CNTNAP5: variants seen among roughly 807,000 people sequenced by gnomAD.
The protein encoded by CNTNAP5 is contactin associated protein family member 5.
A neutral mutation model predicts 150.2 loss-of-function variants in CNTNAP5; 72 were observed. That is an observed-to-expected ratio of 0.48 (90% CI 0.40 to 0.58). CNTNAP5 has a LOEUF of 0.58. CNTNAP5 is among the 20% of genes least tolerant of loss of function. The pLI, the probability that CNTNAP5 is intolerant of heterozygous loss-of-function variation, is 0.00. For synonymous variants in CNTNAP5, 672 were observed against 619.8 expected (o/e 1.08, Z -1.25); for missense variants, 1,636 against 1,626.2 (o/e 1.01, Z -0.10).
At chr2:124,715,892 C>A (rs1209923675) in intron 13 of CNTNAP5, among the ~76,000 whole-genome samples, 1 of 152,040 alleles carries the variant, frequency 6.6e-6, no homozygotes, top group African/African-American at 2.4e-5. Flanking sequence ...TACCAAGTCC[C>A]CTTCTCAAAA....
intron 16 of CNTNAP5, among the ~76,000 whole-genome samples, chr2:124,765,191 G>A (rs1553439761): frequency 6.6e-6 from 1 of 151,880 alleles, no homozygotes; most frequent in Non-Finnish European, 1.5e-5. Flanking sequence ...TTTTACTTCA[G>A]GATTGATTCT....
Position 124,832,919 on chromosome 2 carries a change from C to CTTT in CNTNAP5, c.3218-32378_3218-32376dup, listed in dbSNP as rs539240335. Among the ~76,000 whole-genome samples, 353 of 143,234 alleles carry CTTT rather than the reference C, an allele frequency of 2.5e-3. 6 individuals carry two copies. The highest frequency in any genetic ancestry group is 8.4e-3 in the African/African-American group (324 of 38,796). The allele number at this position is 143,234 out of a possible 152,430, so 94.0% of individuals were successfully genotyped here. Reference sequence around the variant, plus strand: ...TTTCTTTTTCTTTTTTTTTCTTTTCCTTTTTTTTTTTGAGACAGGGTCTGC... The same window carrying CTTT: ...TTTCTTTTTCTTTTTTTTTCTTTTCCTTTTTTTTTTTTTTGAGACAGGGTCTGC... On this transcript the variant is annotated intron_variant, in intron 19 of 23. Coordinates refer to ENST00000682447, the MANE Select transcript of CNTNAP5 (RefSeq NM_001367498.1).
intron 1 of CNTNAP5, among the ~76,000 whole-genome samples, chr2:124,190,984 C>T (rs1365401425): frequency 1.3e-5 from 2 of 152,152 alleles, no homozygotes; most frequent in Non-Finnish European, 2.9e-5. Flanking sequence ...AAAAGTAGAT[C>T]CTTCTCATCT....
chr2:124,852,769 T>C (rs561042720), intron 19 of CNTNAP5, among the ~76,000 whole-genome samples: 1 of 152,284 alleles, frequency 6.6e-6, no homozygotes, highest in South Asian at 2.1e-4. Flanking sequence ...GGTGAAGACC[T>C]GGAAAGAAGT....
chr2:124,454,406 T>C (rs192321743), intron 6 of CNTNAP5, among the ~76,000 whole-genome samples: 10 of 152,214 alleles, frequency 6.6e-5, no homozygotes, highest in Non-Finnish European at 1.5e-4. Context: ...TGTAAAACAA[T>C]TACTACTAGA....
intron 13 of CNTNAP5, among the ~76,000 whole-genome samples, chr2:124,734,851 AAG>A (rs1202282557): frequency 1.3e-5 from 2 of 152,128 alleles, no homozygotes; most frequent in African/African-American, 2.4e-5. Flanking sequence ...TTCCTCATAA[AAG>A]AGAGGGGATA....
chr2:124,244,260 A>G (rs1686960910), intron 3 of CNTNAP5, among the ~76,000 whole-genome samples: 1 of 152,096 alleles, frequency 6.6e-6, no homozygotes, highest in African/African-American at 2.4e-5. Context: ...TTTCTAAATG[A>G]TTCCAAGCTC....
intron 3 of CNTNAP5, among the ~76,000 whole-genome samples, chr2:124,408,666 G>C (rs566794631): frequency 1.3e-5 from 2 of 151,790 alleles, no homozygotes; most frequent in Admixed American, 1.3e-4. Flanking sequence ...CAGACCTGCA[G>C]CTGAGGGTCC....
intron 1 of CNTNAP5, among the ~76,000 whole-genome samples, chr2:124,099,521 C>A (rs147764794): frequency 0.013 from 2,021 of 152,286 alleles, 41 homozygotes; most frequent in Admixed American, 0.062. Context: ...CTGGGTATGG[C>A]ACCTTGAATC....
chr2:124,257,829 T>C (rs1687351141), intron 3 of CNTNAP5, among the ~76,000 whole-genome samples: 1 of 152,072 alleles, frequency 6.6e-6, no homozygotes, highest in Non-Finnish European at 1.5e-5. Context: ...TACCTTCATC[T>C]CTCTACTTGG....
At chr2:124,570,208 T>G (rs1696120126) in intron 11 of CNTNAP5, among the ~76,000 whole-genome samples, 2 of 152,170 alleles carry the variant, frequency 1.3e-5, no homozygotes, top group South Asian at 4.1e-4. Context: ...TTATGAGGCA[T>G]GTGCACATAA....
At chr2:124,065,579 T>C (rs1220017960) in intron 1 of CNTNAP5, among the ~76,000 whole-genome samples, 1 of 152,144 alleles carries the variant, frequency 6.6e-6, no homozygotes, top group Non-Finnish European at 1.5e-5. Context: ...CTGATAATAA[T>C]TCGTTAAACA....
In CNTNAP5 at chr2:124,561,476, G is replaced by A. The variant is rs35792667; in HGVS notation, c.1650-1741G>A. Among the ~76,000 whole-genome samples the A allele has an allele frequency of 3.0e-3, 454 of 152,268 alleles. 1 individual carries two copies. The highest frequency in any genetic ancestry group is 4.7e-3 in the Non-Finnish European group (323 of 68,024). ...CCTCTGCTGTCCACCAAGACCAGGA[G>A]AGTGGGTGGGAATAAAAAGGAAAGG... On this transcript the variant is annotated intron_variant, in intron 10 of 23. Transcript: ENST00000682447.
chr2:124,854,097 C>T (rs562584605), intron 19 of CNTNAP5, among the ~76,000 whole-genome samples: 25 of 152,188 alleles, frequency 1.6e-4, no homozygotes, highest in South Asian at 6.2e-4. Context: ...TTTGCTATTG[C>T]GAATAGTACT....
intron 10 of CNTNAP5, among the ~76,000 whole-genome samples, chr2:124,551,239 G>A (rs954290345): frequency 2.6e-5 from 4 of 152,066 alleles, no homozygotes; most frequent in Non-Finnish European, 4.4e-5. Flanking sequence ...AACAATCTGC[G>A]ATTGACTCCC....
intron 3 of CNTNAP5, among the ~76,000 whole-genome samples, chr2:124,295,193 A>T (rs561111441): frequency 6.6e-6 from 1 of 151,482 alleles, no homozygotes. Context: ...CATGGTTCTC[A>T]GGTTGATTTC....
At chr2:124,530,836 C>T (rs374525862) in intron 10 of CNTNAP5, among the ~76,000 whole-genome samples, 1 of 152,060 alleles carries the variant, frequency 6.6e-6, no homozygotes, top group Admixed American at 6.6e-5. Context: ...GCCTCATAAT[C>T]TCTACACCCT....
intron 19 of CNTNAP5, among the ~76,000 whole-genome samples, chr2:124,830,977 A>G (rs1682703972): frequency 6.6e-6 from 1 of 152,108 alleles, no homozygotes; most frequent in Admixed American, 6.6e-5. Flanking sequence ...TTTCAGAATT[A>G]AAAATCAAAA....
intron 3 of CNTNAP5, among the ~76,000 whole-genome samples, chr2:124,402,665 C>G (rs1691458418): frequency 6.6e-6 from 1 of 152,214 alleles, no homozygotes; most frequent in South Asian, 2.1e-4. Context: ...GATTCTTAGA[C>G]AGCAATCAAA....
Sources: allele counts gnomAD v4.1 joint callset (sites outside exome capture counted in the v4.1 genomes callset), GRCh38; gene constraint gnomAD v4.1.1; transcripts MANE v1.5; gene names NCBI Gene and HGNC (gene_info 2026-07-23, HGNC 2026-07-21).